Variants in ZNF875 observed in about 807,000 individuals in gnomAD.
ZNF875 encodes HKR1, GLI-Kruppel zinc finger family member.
ZNF875 carries 14 observed loss-of-function variants against 11.2 expected under a neutral mutation model. The observed-to-expected ratio is 1.26, with a 90% CI of 0.83 to 1.96. The LOEUF is 1.96. Among genes scored for constraint, ZNF875 ranks in the 30% most tolerant of loss-of-function variants. The pLI, the probability that ZNF875 is intolerant of heterozygous loss-of-function variation, is 0.00. For missense variants in ZNF875, 752 were observed against 760.4 expected (o/e 0.99, Z 0.13); for synonymous variants, 301 against 281.1 (o/e 1.07, Z -0.71).
At chr19:37,333,944 C>T (rs562672091), upstream of ZNF875, among the ~76,000 whole-genome samples, 1 of 152,200 alleles carries the variant, frequency 6.6e-6, no homozygotes, top group South Asian at 2.1e-4. Context: ...AAGTTTCCTC[C>T]AAGCCGCACC....
upstream of ZNF875, among the ~76,000 whole-genome samples, chr19:37,330,990 T>A (rs1181817187): frequency 6.6e-6 from 1 of 151,796 alleles, no homozygotes; most frequent in African/African-American, 2.4e-5. Flanking sequence ...ATCGAGACCA[T>A]CCTGGCTAAC....
chr19:37,325,735 T>C (rs2032325534), intron 4 of ZNF875, among the ~76,000 whole-genome samples: 1 of 151,692 alleles, frequency 6.6e-6, no homozygotes, highest in Non-Finnish European at 1.5e-5. Context: ...AAAGGCTGGG[T>C]CTCACTCTGT....
At chr19:37,353,174 C>T (rs912520834) in intron 4 of ZNF875, among the ~76,000 whole-genome samples, 2 of 152,068 alleles carry the variant, frequency 1.3e-5, no homozygotes, top group African/African-American at 2.4e-5. Context: ...GCGCCCGGCT[C>T]CTTTTTCGAT....
chr19:37,326,146 T>A (rs1288805047), intron 4 of ZNF875, among the ~76,000 whole-genome samples: 3 of 152,194 alleles, frequency 2.0e-5, no homozygotes, highest in Non-Finnish European at 2.9e-5. Context: ...TGGCCCATTC[T>A]TTCTTTTATA....
At chr19:37,349,079 G>A (rs556303204) in intron 4 of ZNF875, among the ~76,000 whole-genome samples, 4 of 152,266 alleles carry the variant, frequency 2.6e-5, no homozygotes, top group African/African-American at 7.2e-5. Flanking sequence ...AATCCATGGC[G>A]TGGAGGAGCA....
chr19:37,328,193 C>T (rs1270603275), intron 4 of ZNF875, among the ~76,000 whole-genome samples: 1 of 151,986 alleles, frequency 6.6e-6, no homozygotes, highest in African/African-American at 2.4e-5. Flanking sequence ...AAGCCAAGAT[C>T]GCACCATTGC....
chr19:37,336,635 G>A (rs999570950), intron 2 of ZNF875, among the ~76,000 whole-genome samples: 4 of 151,646 alleles, frequency 2.6e-5, no homozygotes, highest in African/African-American at 9.7e-5. Flanking sequence ...TTGGCCAGGC[G>A]TGGTGGCTCA....
chr19:37,338,894 G>C (rs1298687557), intron 2 of ZNF875, among the ~76,000 whole-genome samples: 1 of 152,208 alleles, frequency 6.6e-6, no homozygotes, highest in Non-Finnish European at 1.5e-5. Context: ...ATCAAAGCAA[G>C]ACTATCTTAG....
intron 4 of ZNF875, chr19:37,357,876 T>G (rs2039181610): frequency 2.5e-6 from 1 of 398,080 alleles, no homozygotes; most frequent in African/African-American, 2.1e-5. Context: ...TTCTCTGTCT[T>G]GCATGATTGC....
chr19:37,331,743 T>C (rs949031793), upstream of ZNF875, among the ~76,000 whole-genome samples: 4 of 146,402 alleles, frequency 2.7e-5, no homozygotes, highest in African/African-American at 9.8e-5. Context: ...TTTCTCCCCA[T>C]GTGATAGTCT....
At chr19:37,326,540 G>A (rs193300956) in intron 4 of ZNF875, among the ~76,000 whole-genome samples, 1 of 151,840 alleles carries the variant, frequency 6.6e-6, no homozygotes, top group Non-Finnish European at 1.5e-5. Context: ...TGTCTTGGTT[G>A]GGTATTTATT....
chr19:37,358,390 C>A (rs1330628725), intron 4 of ZNF875, among the ~76,000 whole-genome samples: 1 of 151,936 alleles, frequency 6.6e-6, no homozygotes, highest in East Asian at 1.9e-4. Flanking sequence ...CCGCCTCAGC[C>A]TCCCAAAGTG....
intron 3 of ZNF875, chr19:37,323,633 T>C (rs535512102): frequency 1.3e-5 from 2 of 152,316 alleles, no homozygotes; most frequent in South Asian, 4.1e-4. Flanking sequence ...AGCTATGGTT[T>C]TGGGCTGCAC....
At chr19:37,337,723 G>A (rs919296606) in intron 2 of ZNF875, 9 of 152,192 alleles carry the variant, frequency 5.9e-5, no homozygotes, top group African/African-American at 2.2e-4. Flanking sequence ...GATTACAGGT[G>A]TGAGCCACAG....
intron 2 of ZNF875, among the ~76,000 whole-genome samples, chr19:37,335,870 G>A (rs868505025): frequency 1.3e-5 from 2 of 152,028 alleles, no homozygotes; most frequent in South Asian, 2.1e-4. Flanking sequence ...TGGTCTTTTC[G>A]GCTCCAAACA....
At chr19:37,338,445 C>T (rs2034981769) in intron 2 of ZNF875, among the ~76,000 whole-genome samples, 3 of 152,124 alleles carry the variant, frequency 2.0e-5, no homozygotes, top group African/African-American at 7.2e-5. Flanking sequence ...CTTTCTTCAC[C>T]ACTCCCAGTG....
intron 1 of ZNF875, among the ~76,000 whole-genome samples, chr19:37,319,498 G>A (rs186019953): frequency 6.6e-6 from 1 of 151,946 alleles, no homozygotes; most frequent in East Asian, 1.9e-4. Flanking sequence ...TCTTCATGAA[G>A]TGTGAAGATT....
intron 2 of ZNF875, 180 bp from the exon 3 acceptor site, chr19:37,347,010 T>C: frequency 4.8e-6 from 3 of 621,760 alleles, no homozygotes; most frequent in Non-Finnish European, 5.7e-6. Flanking sequence ...AGAGACGGGG[T>C]TTCTCCATAT....
At chr19:37,342,775 A>G (rs576812100) in intron 2 of ZNF875, among the ~76,000 whole-genome samples, 1 of 152,222 alleles carries the variant, frequency 6.6e-6, no homozygotes, top group Admixed American at 6.5e-5. Flanking sequence ...TTCATCAGGT[A>G]TATTTTCTGT....
Sources: gnomAD v4.1 joint callset for allele counts (sites outside exome capture counted in the v4.1 genomes callset) on GRCh38, gnomAD v4.1.1 for gene constraint, MANE v1.5 for transcripts, NCBI Gene and HGNC (gene_info 2026-07-23, HGNC 2026-07-21) for gene names.